ISLR2: variants seen among roughly 807,000 people sequenced by gnomAD.
The protein encoded by ISLR2 is immunoglobulin superfamily containing leucine-rich repeat protein 2.
Under a neutral mutation model 25.5 loss-of-function variants are expected in ISLR2, and 16 were observed. The ratio of observed to expected loss-of-function variants is 0.63; its 90% CI spans 0.43 to 0.95. The LOEUF is 0.95. ISLR2 is among the 40% of genes least tolerant of loss of function. The pLI is 0.00. For missense variants in ISLR2, 883 were observed against 1,030.7 expected (o/e 0.86, Z 1.96); for synonymous variants, 508 against 486.6 (o/e 1.04, Z -0.58).
upstream of ISLR2, among the ~76,000 whole-genome samples, chr15:74,124,575 A>G (rs967192658): frequency 2.6e-5 from 4 of 152,176 alleles, no homozygotes; most frequent in Non-Finnish European, 4.4e-5. Context: ...CCTAGCCAAC[A>G]TGGTGAAACC....
chr15:74,133,482 T>C lies in ISLR2; in HGVS notation c.728T>C (p.Leu243Pro). 1 of 1,613,406 alleles carries C rather than the reference T, an allele frequency of 6.2e-7. No individual in the cohort carries two copies. Among genetic ancestry groups the C allele is most frequent in the Non-Finnish European group, 8.5e-7 (1 of 1,179,878 alleles). The change falls in exon 3 of 3, where the codon CTT becomes CCT. Residue 243 changes from leucine to proline, a missense_variant. Leu to Pro is a moderately conservative substitution (Grantham distance 98, BLOSUM62 -3). This residue lies in a region of ISLR2 where 271 missense variants were observed against 387.9 expected (regional missense o/e 0.70). Coordinates refer to ENST00000453268, the MANE Select transcript of ISLR2 (RefSeq NM_020851.3). ...GTGCATCTGAGTGCCGAGCCACCGC[T>C]TGAAGCACCCGGCACCCCACTGCGC... The part of the protein sequence containing the change: ...PSVHLSAEPP[L>P]EAPGTPLRAG...
intron 2 of ISLR2, among the ~76,000 whole-genome samples, chr15:74,116,874 G>T (rs2072215319): frequency 6.6e-6 from 1 of 152,138 alleles, no homozygotes; most frequent in Non-Finnish European, 1.5e-5. Context: ...ACTTCCCCTG[G>T]GCTCTTCCTA....
rs2072533423 is a variant in ISLR2, at chr15:74,134,831, G to A, written c.2077G>A (p.Glu693Lys). ...AGACCCAAGTGGGGACCTGCAGAGA[G>A]AGGAGAGCCTGGCGGCCTGCTCACT... Reference protein sequence around the residue: ...QGDPSGDLQREESLAACSLVE... With the variant: ...QGDPSGDLQRKESLAACSLVE... Residue 693 changes from glutamate to lysine, a missense_variant, in exon 3 of 3, where the codon GAG (glutamate) becomes AAG (lysine). Glu to Lys is a moderately conservative substitution (Grantham distance 56). Coordinates refer to ENST00000453268, the MANE Select transcript of ISLR2 (RefSeq NM_020851.3). 1.2e-6 allele frequency: 2 copies of A among 1,614,076 alleles called. No homozygotes were observed. Among genetic ancestry groups the A allele is most frequent in the Non-Finnish European group, 8.5e-7 (1 of 1,180,042 alleles).
chr15:74,127,545 C>G (rs2072314730), upstream of ISLR2: 1 of 152,382 alleles, frequency 6.6e-6, no homozygotes, highest in African/African-American at 2.4e-5. Flanking sequence ...AGTAAAGCCT[C>G]GGGACTTTGG....
intron 2 of ISLR2, among the ~76,000 whole-genome samples, chr15:74,110,999 G>A (rs1433621995): frequency 6.6e-6 from 1 of 151,584 alleles, no homozygotes; most frequent in African/African-American, 2.4e-5. Context: ...CAAAAGCCAG[G>A]TGTGTTGGTG....
In ISLR2 at chr15:74,133,021, C is replaced by G. The variant is rs1298663473; in HGVS notation, c.267C>G (p.Thr89=). The change falls in exon 3 of 3, where the codon ACC becomes ACG. Residue 89 remains threonine, a synonymous_variant. Coordinates refer to ENST00000453268, the MANE Select transcript of ISLR2 (RefSeq NM_020851.3). ...SLWLAHNEVR[T]VEPGALAVLS... ...GGCTGGCGCACAATGAGGTGCGCAC[C>G]GTGGAGCCAGGCGCACTGGCCGTGC... 10 of 1,613,096 alleles carry G rather than the reference C, an allele frequency of 6.2e-6. No individual in the cohort carries two copies. Among genetic ancestry groups the G allele is most frequent in the African/African-American group, 2.7e-5 (2 of 74,948 alleles).
intron 2 of ISLR2, among the ~76,000 whole-genome samples, chr15:74,119,216 C>CT (rs1248088285): frequency 4.6e-5 from 7 of 150,908 alleles, no homozygotes; most frequent in African/African-American, 1.2e-4. Context: ...TAGCTGTACT[C>CT]TTTTTTTTTC....
At chr15:74,113,186 G>A (rs547829661) in intron 2 of ISLR2, among the ~76,000 whole-genome samples, 6 of 152,336 alleles carry the variant, frequency 3.9e-5, no homozygotes, top group East Asian at 1.9e-4. Context: ...GATGGGGGGC[G>A]GAGCTCAGGC....
chr15:74,132,918 C>T lies in ISLR2; in HGVS notation c.164C>T (p.Thr55Met). ...GAAGGACTGCCTGCCAACGTGACGACGCTTAGTCTGTCCGCGAACAAGATC... is the reference window on the plus strand; with the variant it reads ...GAAGGACTGCCTGCCAACGTGACGATGCTTAGTCTGTCCGCGAACAAGATC... ...VPEGLPANVT[T>M]LSLSANKITV... is the part of the protein sequence containing the mutation. The change falls in exon 3 of 3, where the codon ACG becomes ATG. Residue 55 changes from threonine (T) to methionine (M), a missense_variant. Coordinates refer to ENST00000453268, the MANE Select transcript of ISLR2 (RefSeq NM_020851.3). This position sits in a 1 kb window ranked among gnomAD's most constrained non-coding sequence, Gnocchi z 4.3. The T allele has an allele frequency of 1.2e-6, 2 of 1,614,112 alleles. No individual in the cohort carries two copies. Among genetic ancestry groups the T allele is most frequent in the Non-Finnish European group, 1.7e-6 (2 of 1,179,956 alleles).
chr15:74,124,814 G>A (rs1289709259), upstream of ISLR2, among the ~76,000 whole-genome samples: 1 of 152,138 alleles, frequency 6.6e-6, no homozygotes, highest in Non-Finnish European at 1.5e-5. Context: ...GGCTCCGGAA[G>A]CCCTCCAGTG....
intron 2 of ISLR2, among the ~76,000 whole-genome samples, chr15:74,111,152 A>C (rs1167711884): frequency 4.0e-5 from 6 of 151,622 alleles, no homozygotes; most frequent in Non-Finnish European, 8.8e-5. Context: ...AAAAAAAAAA[A>C]AAAAAAACAG....
chr15:74,110,028 G>A (rs1397232536), intron 2 of ISLR2, among the ~76,000 whole-genome samples: 1 of 152,012 alleles, frequency 6.6e-6, no homozygotes, highest in Non-Finnish European at 1.5e-5. Context: ...TCCTTGGCTC[G>A]AGCAATTCAC....
In ISLR2 at chr15:74,135,152, G is replaced by A. The variant is rs2072542365; in HGVS notation, c.*160G>A. The A allele has an allele frequency of 1.2e-6, 1 of 861,042 alleles. No homozygotes were observed. The highest frequency in any genetic ancestry group is 1.8e-6 in the Non-Finnish European group (1 of 560,642). The allele number at this position is 861,042 out of a possible 1,614,324, so 53.3% of individuals were successfully genotyped here. ...GACTACCAGGGACTTCTATTAGGGAGTGGGCCGATTTCACCAGTCCCTGCT... is the reference window on the plus strand; with the variant it reads ...GACTACCAGGGACTTCTATTAGGGAATGGGCCGATTTCACCAGTCCCTGCT... On this transcript the variant is annotated 3_prime_UTR_variant, in exon 3 of 3. Coordinates refer to ENST00000453268, the MANE Select transcript of ISLR2 (RefSeq NM_020851.3).
At chr15:74,119,318 C>T (rs2072234811) in intron 2 of ISLR2, among the ~76,000 whole-genome samples, 1 of 152,078 alleles carries the variant, frequency 6.6e-6, no homozygotes, top group African/African-American at 2.4e-5. Context: ...CCAAGTGATC[C>T]TTCCACCTCA....
At chr15:74,106,625 C>A (rs2072122093) in intron 2 of ISLR2, among the ~76,000 whole-genome samples, 1 of 152,066 alleles carries the variant, frequency 6.6e-6, no homozygotes, top group Non-Finnish European at 1.5e-5. Flanking sequence ...CAGGGGGGTT[C>A]TTTACGTCCA....
In ISLR2 at chr15:74,134,569, A is replaced by G. The variant is rs2072523254; in HGVS notation, c.1815A>G (p.Thr605=). 1 of 1,614,150 alleles carries G rather than the reference A, an allele frequency of 6.2e-7. No individual in the cohort carries two copies. The change falls in exon 3 of 3, where the codon ACA becomes ACG. Residue 605 remains threonine, a synonymous_variant. Coordinates refer to ENST00000453268, the MANE Select transcript of ISLR2 (RefSeq NM_020851.3). ...AVSVFLLVLA[T]VPLLGAACCH... ...GCGTATTCCTCCTGGTGCTGGCCAC[A>G]GTGCCCCTTCTGGGCGCCGCCTGCT... is the stretch of plus-strand genomic sequence containing the variant.
chr15:74,125,350 G>T (rs1343314449), upstream of ISLR2, among the ~76,000 whole-genome samples: 1 of 152,030 alleles, frequency 6.6e-6, no homozygotes, highest in African/African-American at 2.4e-5. Flanking sequence ...CGATCCTCTG[G>T]TCTCAGTCTC....
Position 74,119,693 on chromosome 15 carries a change from A to G in ISLR2, n.229-11514A>G, listed in dbSNP as rs148218084. Among the ~76,000 whole-genome samples the G allele has an allele frequency of 2.0e-5, 3 of 152,384 alleles. No individual in the cohort carries two copies. In the East Asian group the frequency reaches 5.8e-4, roughly 29 times the overall value. ...TTTAATCATTTCACAATGTATGCAT[A>G]TATCACATTGAACACTGGAAATATA... On this transcript the variant is annotated intron_variant and non_coding_transcript_variant, in intron 2 of 3. Transcript: ENST00000561975.
At chr15:74,127,547 G>T (rs969150092), upstream of ISLR2, 1 of 152,418 alleles carries the variant, frequency 6.6e-6, no homozygotes, top group Non-Finnish European at 1.5e-5. Context: ...TAAAGCCTCG[G>T]GACTTTGGTT....
Sources: allele counts gnomAD v4.1 joint callset (sites outside exome capture counted in the v4.1 genomes callset), GRCh38; gene constraint gnomAD v4.1.1; regional missense constraint gnomAD v4.1.1; non-coding constraint Gnocchi (gnomAD v3.1); transcripts MANE v1.5; gene names NCBI Gene and HGNC (gene_info 2026-07-23, HGNC 2026-07-21).